C10orf67: variants seen among roughly 807,000 people sequenced by gnomAD.
C10orf67 encodes uncharacterized protein C10orf67, mitochondrial.
In C10orf67, 60 loss-of-function variants were observed where a neutral mutation model predicts 35.6. The observed-to-expected ratio is 1.68, with a 90% CI of 1.37 to 2.09. The LOEUF (loss-of-function observed/expected upper bound fraction) is 2.09. Ranked by LOEUF, C10orf67 falls within the 30% of genes most tolerant of loss-of-function variation. The probability of loss-of-function intolerance (pLI) is 0.00; values close to 1 mark genes in which losing one functional copy is unlikely to be tolerated. For missense variants in C10orf67, 474 were observed against 330.2 expected, an observed-to-expected ratio of 1.44 and a Z score of -3.38; for synonymous variants, 167 against 115.8, an observed-to-expected ratio of 1.44 and a Z score of -2.84.
At position 23,322,473 on chromosome 10, in the gene C10orf67, T is replaced by C; in HGVS notation, c.392A>G (p.Asp131Gly). 6.2e-7 allele frequency: 1 copy of C among 1,612,382 alleles called. No individual in the cohort carries two copies. The highest frequency in any genetic ancestry group is 8.5e-7 in the Non-Finnish European group (1 of 1,178,438). The part of the protein sequence containing the change: ...LKQLLQLKFE[D>G]RLKEESLSLF... Reference sequence around the variant, plus strand: ...ACTCAAAGATTCCTCTTTCAGTCGGTCCTCAAACTTCAACTGAAGCAATTG... The same window carrying C: ...ACTCAAAGATTCCTCTTTCAGTCGGCCCTCAAACTTCAACTGAAGCAATTG... The change falls in exon 3 of 16, where the codon GAC (aspartate) becomes GGC (glycine). Residue 131 changes from aspartate to glycine, a missense_variant. Transcript: ENST00000636213.
In C10orf67 at chr10:23,229,608, A is replaced by G. The variant is rs369256947; in HGVS notation, c.1435-5790T>C. ...AATAATAAAAAAAGTTTGTCATTAC[A>G]TAATGGTAAAATGTTCAATTTCCCA... On this transcript the variant is annotated intron_variant, in intron 13 of 15. Transcript: ENST00000636213. 9.9e-5 allele frequency among the ~76,000 whole-genome samples: 15 copies of G among 152,258 alleles called. No individual in the cohort carries two copies. The East Asian group carries it at 2.5e-3, about 25-fold the overall frequency.
At chr10:23,235,907 G>A (rs1170842338) in intron 13 of C10orf67, among the ~76,000 whole-genome samples, 1 of 152,094 alleles carries the variant, frequency 6.6e-6, no homozygotes, top group Non-Finnish European at 1.5e-5. Context: ...ACGAGGTCAG[G>A]AGTTCGAGAC....
At position 23,229,717 on chromosome 10, in the gene C10orf67, A is replaced by AGTTT. The variant is rs539531467; in HGVS notation, c.1435-5900_1435-5899insAAAC. Among the ~76,000 whole-genome samples, 310 of 152,320 alleles carry AGTTT rather than the reference A, an allele frequency of 2.0e-3. 2 individuals are homozygous for AGTTT. The highest frequency in any genetic ancestry group is 7.1e-3 in the African/African-American group (295 of 41,580). On this transcript the variant is annotated intron_variant, in intron 13 of 15. Coordinates refer to ENST00000636213, the MANE Select transcript of C10orf67 (RefSeq NM_001371909.1). Reference sequence around the variant, plus strand: ...CAAAAACTGATTACAAACTACTTAGAGTAATATGCAAATCATGTAAGTATA... The same window carrying AGTTT: ...CAAAAACTGATTACAAACTACTTAGAGTTTGTAATATGCAAATCATGTAAGTATA...
At chr10:23,275,856 A>T (rs1843172966) in intron 8 of C10orf67, among the ~76,000 whole-genome samples, 1 of 152,168 alleles carries the variant, frequency 6.6e-6, no homozygotes, top group African/African-American at 2.4e-5. Flanking sequence ...GTCACTTTGA[A>T]TGCTAGCTCA....
At chr10:23,271,515 G>A (rs1358612413) in intron 8 of C10orf67, among the ~76,000 whole-genome samples, 1 of 152,194 alleles carries the variant, frequency 6.6e-6, no homozygotes, top group Non-Finnish European at 1.5e-5. Context: ...TTTCTAAATG[G>A]TTGTATAGTT....
At chr10:23,329,971 A>T (rs879274106) in intron 2 of C10orf67, among the ~76,000 whole-genome samples, 2 of 152,186 alleles carry the variant, frequency 1.3e-5, no homozygotes, top group Non-Finnish European at 2.9e-5. Flanking sequence ...TACTATTCAA[A>T]AACCAAATTT....
Position 23,344,701 on chromosome 10 carries a change from G to A in C10orf67, c.74C>T (p.Ser25Phe). Residue 25 changes from serine (S) to phenylalanine (F), a missense_variant, in exon 1 of 16, where the codon TCC (serine) becomes TTC (phenylalanine). Physicochemically the swap from Ser to Phe is radical, Grantham distance 155. Transcript: ENST00000636213. ...TGTGCCAAAGGTCCCCCTCAAGGAG[G>A]AGGAAAAGCAGTGAACCCATCTAAT... ...IVIRWVHCFS[S>F]SLRGTFGTRW... The A allele has an allele frequency of 6.3e-7, 1 of 1,575,242 alleles. No homozygotes were observed. The highest frequency in any genetic ancestry group is 8.6e-7 in the Non-Finnish European group (1 of 1,160,814).
At chr10:23,276,584 A>T (rs573013946) in intron 8 of C10orf67, among the ~76,000 whole-genome samples, 1 of 152,192 alleles carries the variant, frequency 6.6e-6, no homozygotes, top group African/African-American at 2.4e-5. Flanking sequence ...AAAAGACCAA[A>T]GGAGTGTGTC....
intron 10 of C10orf67, among the ~76,000 whole-genome samples, chr10:23,261,947 G>C (rs191675559): frequency 1.3e-3 from 205 of 152,244 alleles, no homozygotes; most frequent in African/African-American, 4.8e-3. Flanking sequence ...AAACAAAATT[G>C]ATGTGTTATA....
chr10:23,254,370 G>T (rs1842543593), intron 10 of C10orf67, among the ~76,000 whole-genome samples: 3 of 151,980 alleles, frequency 2.0e-5, no homozygotes, highest in African/African-American at 4.8e-5. Context: ...ACCACCCCTG[G>T]CTAATTTTTT....
At chr10:23,210,635 G>A (rs1387076173) in intron 15 of C10orf67, among the ~76,000 whole-genome samples, 1 of 152,080 alleles carries the variant, frequency 6.6e-6, no homozygotes, top group Non-Finnish European at 1.5e-5. Flanking sequence ...GGACAGGATG[G>A]TCTCAAACTC....
At chr10:23,257,354 C>T (rs1842629388) in intron 10 of C10orf67, among the ~76,000 whole-genome samples, 1 of 152,206 alleles carries the variant, frequency 6.6e-6, no homozygotes, top group Non-Finnish European at 1.5e-5. Flanking sequence ...CAAGCAATAG[C>T]AGTGCACTAC....
At chr10:23,310,364 G>A (rs769750934) in intron 4 of C10orf67, among the ~76,000 whole-genome samples, 3 of 152,206 alleles carry the variant, frequency 2.0e-5, no homozygotes, top group Non-Finnish European at 4.4e-5. Context: ...TGGAGGAGAA[G>A]GGTTGAGCCT....
intron 15 of C10orf67, among the ~76,000 whole-genome samples, chr10:23,212,382 C>T (rs1051151590): frequency 4.6e-5 from 7 of 152,176 alleles, no homozygotes; most frequent in Admixed American, 6.5e-5. Flanking sequence ...CCAAACCACA[C>T]GTCTCTTGTT....
rs1316356475 is a variant in C10orf67 at position 23,283,106 on chromosome 10, T to G, written c.910-1028A>C. Among the ~76,000 whole-genome samples the G allele has an allele frequency of 3.9e-5, 6 of 152,204 alleles. No homozygotes were observed. The East Asian group carries it at 1.2e-3, about 29-fold the overall frequency. On this transcript the variant is annotated intron_variant, in intron 7 of 15. Transcript: ENST00000636213. ...TACAAAGGATAAATGCTTGAGGTGA[T>G]GCATACCCCACTTACCCTCATGTGA...
intron 13 of C10orf67, among the ~76,000 whole-genome samples, chr10:23,227,559 T>C (rs1460503230): frequency 1.3e-5 from 2 of 152,180 alleles, no homozygotes; most frequent in Non-Finnish European, 1.5e-5. Context: ...ACCACTCCTA[T>C]TCAACATAAT....
At chr10:23,336,716 G>A (rs949934505) in intron 1 of C10orf67, among the ~76,000 whole-genome samples, 1 of 152,018 alleles carries the variant, frequency 6.6e-6, no homozygotes, top group African/African-American at 2.4e-5. Flanking sequence ...GTCTCCCCAT[G>A]TTGGCCAGGC....
chr10:23,329,215 T>C (rs1845330912), intron 2 of C10orf67, among the ~76,000 whole-genome samples: 2 of 151,282 alleles, frequency 1.3e-5, no homozygotes, highest in African/African-American at 4.9e-5. Flanking sequence ...AGAGAGGAGA[T>C]ATGCAGACAA....
At chr10:23,318,666 G>C (rs1398770217) in intron 4 of C10orf67, 1 of 473,534 alleles carries the variant, frequency 2.1e-6, no homozygotes, top group Non-Finnish European at 3.8e-6. Flanking sequence ...ACACAGTTTG[G>C]CACAGAGTCA....
Sources: gnomAD v4.1 joint callset for allele counts (sites outside exome capture counted in the v4.1 genomes callset) on GRCh38, gnomAD v4.1.1 for gene constraint, MANE v1.5 for transcripts, NCBI Gene and HGNC (gene_info 2026-07-23, HGNC 2026-07-21) for gene names.